ZKSCAN2: variants seen among roughly 807,000 people sequenced by gnomAD.
ZKSCAN2 encodes zinc finger with KRAB and SCAN domains 2, also known as zinc finger protein with KRAB and SCAN domains 2.
In ZKSCAN2, 38 loss-of-function variants were observed where a neutral mutation model predicts 90.5. The observed-to-expected ratio is 0.42, with a 90% CI of 0.32 to 0.55. The LOEUF is 0.55. ZKSCAN2 is among the 20% of genes least tolerant of loss of function. The pLI is 0.11. For missense variants in ZKSCAN2, 1,167 were observed against 1,202.6 expected, an observed-to-expected ratio of 0.97 and a Z score of 0.44; for synonymous variants, 429 against 421.6, an observed-to-expected ratio of 1.02 and a Z score of -0.22.
chr16:25,255,717 G>C (rs550742624), intron 1 of ZKSCAN2, among the ~76,000 whole-genome samples: 46 of 152,294 alleles, frequency 3.0e-4, no homozygotes, highest in African/African-American at 1.0e-3. Flanking sequence ...AAGTAGCTGG[G>C]ATTACAGGCA....
At chr16:25,243,714 G>A in intron 6 of ZKSCAN2, 71 bp downstream of exon 6, 1 of 1,493,728 alleles carries the variant, frequency 6.7e-7, no homozygotes, top group Non-Finnish European at 9.0e-7. Flanking sequence ...CTATGTGCAA[G>A]ATCTACTCAT....
chr16:25,245,098 A>G (rs1009752943), intron 5 of ZKSCAN2, among the ~76,000 whole-genome samples: 4 of 152,064 alleles, frequency 2.6e-5, no homozygotes, highest in Non-Finnish European at 5.9e-5. Context: ...TTCCCATCTT[A>G]GCAGATGTTT....
At chr16:25,242,901 T>C (rs757773311) in intron 6 of ZKSCAN2, among the ~76,000 whole-genome samples, 13 of 152,228 alleles carry the variant, frequency 8.5e-5, no homozygotes, top group Non-Finnish European at 1.6e-4. Context: ...AGGGGACAGA[T>C]AGACGTGATA....
intron 6 of ZKSCAN2, among the ~76,000 whole-genome samples, chr16:25,242,594 T>C (rs1962870890): frequency 1.3e-5 from 2 of 152,068 alleles, no homozygotes; most frequent in African/African-American, 4.8e-5. Flanking sequence ...AATTTGGACA[T>C]GGAGATATGT....
At chr16:25,246,294 C>A (rs1217760474) in intron 5 of ZKSCAN2, 1 of 159,670 alleles carries the variant, frequency 6.3e-6, no homozygotes, top group East Asian at 1.8e-4. Flanking sequence ...TTAATGAAAA[C>A]CTGTTGAAAC....
chr16:25,254,646 C>T (rs115001697), intron 2 of ZKSCAN2, among the ~76,000 whole-genome samples: 3,158 of 152,244 alleles, frequency 0.021, 121 homozygotes, highest in African/African-American at 0.072. Context: ...CCAGGCTGGT[C>T]TTGAACTCCT....
chr16:25,245,697 G>C (rs1316676327), intron 5 of ZKSCAN2, among the ~76,000 whole-genome samples: 1 of 151,646 alleles, frequency 6.6e-6, no homozygotes, highest in Non-Finnish European at 1.5e-5. Context: ...ACTCACCCAG[G>C]AGGAGGAGGT....
intron 6 of ZKSCAN2, among the ~76,000 whole-genome samples, 198 bp downstream of exon 6, chr16:25,243,587 C>T (rs1962885458): frequency 6.6e-6 from 1 of 152,194 alleles, no homozygotes; most frequent in South Asian, 2.1e-4. Flanking sequence ...CCTCAACCTC[C>T]CAAACTGCTA....
chr16:25,252,546 G>A (rs1269159055), intron 3 of ZKSCAN2, among the ~76,000 whole-genome samples: 1 of 152,028 alleles, frequency 6.6e-6, no homozygotes, highest in Non-Finnish European at 1.5e-5. Flanking sequence ...TACTCTTGAC[G>A]GGAGTATAAA....
At position 25,239,854 on chromosome 16, in the gene ZKSCAN2, G is replaced by C; in HGVS notation, c.2866C>G (p.His956Asp). The C allele has an allele frequency of 1.9e-6, 3 of 1,605,056 alleles. No individual in the cohort carries two copies. The highest frequency in any genetic ancestry group is 2.5e-6 in the Non-Finnish European group (3 of 1,177,470). ...CTAAATTCATCAGTCTTTCCCTTAT[G>C]TGGGTTCTCAGGGCAATACAGAGAT... ...PPSLYCPENP[H>D]KGKTDEFRKT... Residue 956 changes from histidine (H) to aspartate (D), a missense_variant, in exon 7 of 7, where the codon CAT becomes GAT. His to Asp is a moderately conservative substitution (Grantham distance 81, BLOSUM62 -1). Transcript: ENST00000328086.
intron 5 of ZKSCAN2, among the ~76,000 whole-genome samples, chr16:25,244,618 C>T (rs888358661): frequency 6.6e-6 from 1 of 152,288 alleles, no homozygotes; most frequent in African/African-American, 2.4e-5. Context: ...AATAAAAATG[C>T]AGTCCCCCAA....
Position 25,244,291 on chromosome 16 carries a change from T to C in ZKSCAN2, c.1490-15A>G, listed in dbSNP as rs748118949. The C allele has an allele frequency of 1.2e-6, 2 of 1,606,138 alleles. No individual in the cohort carries two copies. The highest frequency in any genetic ancestry group is 1.7e-6 in the Non-Finnish European group (2 of 1,175,338). On this transcript the variant is annotated splice_polypyrimidine_tract_variant and intron_variant, in intron 5 of 6. Transcript: ENST00000328086. ...CCAGTGCACGCCTGCCATTTGGGGA[T>C]AAAGTTCACAATGTAACAAAGAAAA...
chr16:25,257,086 C>T lies in ZKSCAN2; in HGVS notation c.42G>A (p.Glu14=), dbSNP rs368473199. ...ALDSQIDAPL[E]VEGCLIMKVE... The stretch of plus-strand genomic sequence containing the variant: ...CCTTCATTATTAGGCATCCCTCAAC[C>T]TCCAGGGGCGCGTCGATCTGAGAGT... The change falls in exon 1 of 7, where the codon GAG becomes GAA. Residue 14 remains glutamate, a synonymous_variant. Coordinates refer to ENST00000328086, the MANE Select transcript of ZKSCAN2 (RefSeq NM_001012981.5). 9 of 1,611,956 alleles carry T rather than the reference C, an allele frequency of 5.6e-6. No individual in the cohort carries two copies. In the African/African-American group the frequency reaches 9.4e-5, roughly 17 times the overall value.
At chr16:25,242,844 A>G (rs1962874099) in intron 6 of ZKSCAN2, among the ~76,000 whole-genome samples, 1 of 152,236 alleles carries the variant, frequency 6.6e-6, no homozygotes, top group Non-Finnish European at 1.5e-5. Context: ...CAGTCTAGGC[A>G]AGAGAGAGAG....
chr16:25,247,676 C>G (rs1962954700), intron 4 of ZKSCAN2, among the ~76,000 whole-genome samples: 1 of 152,162 alleles, frequency 6.6e-6, no homozygotes, highest in Admixed American at 6.5e-5. Context: ...CTCTCAGTAG[C>G]CAGTGTTGTG....
chr16:25,256,003 C>T (rs900952773), intron 1 of ZKSCAN2, among the ~76,000 whole-genome samples: 3 of 152,218 alleles, frequency 2.0e-5, no homozygotes, highest in African/African-American at 7.2e-5. Flanking sequence ...GTTACCAGGA[C>T]ATGAATATAT....
chr16:25,246,859 C>A lies in ZKSCAN2; in HGVS notation c.1337G>T (p.Arg446Ile), dbSNP rs778713893. The stretch of plus-strand genomic sequence containing the variant: ...AGCACTGATGGCAATTCTCTTCAGT[C>A]TGGGGACAGGTATCATCTCCTTTGG... The part of the protein sequence containing the change: ...DKPKEMIPVP[R>I]LKRIAISAKE... Residue 446 changes from arginine (R) to isoleucine (I), a missense_variant, in exon 5 of 7, where the codon AGA becomes ATA. Arg to Ile is a moderately conservative substitution (Grantham distance 97). Coordinates refer to ENST00000328086, the MANE Select transcript of ZKSCAN2 (RefSeq NM_001012981.5). 1.2e-6 allele frequency: 2 copies of A among 1,614,182 alleles called. No homozygotes were observed. Among genetic ancestry groups the A allele is most frequent in the Non-Finnish European group, 1.7e-6 (2 of 1,180,030 alleles).
In ZKSCAN2 at chr16:25,239,722, T is replaced by C; in HGVS notation, c.*94A>G. The C allele has an allele frequency of 8.8e-7, 1 of 1,136,938 alleles. No homozygotes were observed. 70.4% of individuals were successfully genotyped at this position (1,136,938 alleles called of 1,614,324 possible). A position where few individuals can be genotyped will look rare whatever the true frequency, so the allele number is the denominator to read the frequency against. The stretch of plus-strand genomic sequence containing the variant: ...TTTATTTATATTCTCAAGTTTATCT[T>C]GGAAATTACACTTCATAGCTAAGAA... On this transcript the variant is annotated 3_prime_UTR_variant, in exon 7 of 7. Coordinates refer to ENST00000328086, the MANE Select transcript of ZKSCAN2 (RefSeq NM_001012981.5).
At chr16:25,253,121 T>C in intron 2 of ZKSCAN2, 84 bp from the exon 3 acceptor site, 1 of 989,846 alleles carries the variant, frequency 1.0e-6, no homozygotes, top group African/African-American at 1.6e-5. Flanking sequence ...GATGAGTATG[T>C]ATTGAAACAC....
Sources: gnomAD v4.1 joint callset for allele counts (sites outside exome capture counted in the v4.1 genomes callset) on GRCh38, gnomAD v4.1.1 for gene constraint, MANE v1.5 for transcripts, NCBI Gene and HGNC (gene_info 2026-07-23, HGNC 2026-07-21) for gene names.